DOK5: variants seen among roughly 807,000 people sequenced by gnomAD.
DOK5 encodes the protein downstream of tyrosine kinase 5.
A neutral mutation model predicts 43.3 loss-of-function variants in DOK5; 27 were observed. That is an observed-to-expected ratio of 0.62 (90% CI 0.46 to 0.86). DOK5 has a LOEUF of 0.86. Among genes scored for constraint, DOK5 ranks in the 40% least tolerant of loss-of-function variants. DOK5 has a pLI of 0.00. For synonymous variants in DOK5, 146 were observed against 140.1 expected (o/e 1.04, Z -0.30); for missense variants, 373 against 392.9 (o/e 0.95, Z 0.43).
chr20:54,485,929 G>A (rs1370847058), intron 1 of DOK5, among the ~76,000 whole-genome samples: 3 of 152,094 alleles, frequency 2.0e-5, no homozygotes, highest in African/African-American at 7.2e-5. Context: ...ATCTTTTCAT[G>A]TTCCTGTTTG....
At chr20:54,566,750 A>G (rs1478513333) in intron 2 of DOK5, among the ~76,000 whole-genome samples, 2 of 152,074 alleles carry the variant, frequency 1.3e-5, no homozygotes, top group Non-Finnish European at 2.9e-5. Flanking sequence ...CCAAGTAGCT[A>G]GGACTACAGG....
rs567957415 is a variant in DOK5 at position 54,545,292 on chromosome 20, G to T, written c.67-9641G>T. ...CCTGTGGGGCAAACTCCTATCTCCT[G>T]GTTCTCCTTGGTTAACATCTCCACC... On this transcript the variant is annotated intron_variant, in intron 1 of 7. Transcript: ENST00000262593. Among the ~76,000 whole-genome samples the T allele has an allele frequency of 1.4e-4, 21 of 152,322 alleles. No homozygotes were observed. The South Asian group carries it at 2.7e-3, about 20-fold the overall frequency.
At chr20:54,587,259 C>T (rs946612516) in intron 2 of DOK5, among the ~76,000 whole-genome samples, 3 of 152,118 alleles carry the variant, frequency 2.0e-5, no homozygotes, top group Admixed American at 2.0e-4. Context: ...AGTGGTGTGA[C>T]ATTTCATGCT....
intron 1 of DOK5, among the ~76,000 whole-genome samples, chr20:54,548,360 C>G (rs1984415718): frequency 6.6e-6 from 1 of 151,920 alleles, no homozygotes; most frequent in South Asian, 2.1e-4. Flanking sequence ...CTCCGCTTCC[C>G]AAGCAGCTGG....
intron 2 of DOK5, among the ~76,000 whole-genome samples, chr20:54,565,857 A>G (rs1052651260): frequency 1.3e-5 from 2 of 151,982 alleles, no homozygotes; most frequent in Admixed American, 1.3e-4. Flanking sequence ...TCTACTAAAA[A>G]ATACAAAAAA....
chr20:54,623,909 T>TA (rs1396184693), intron 6 of DOK5, among the ~76,000 whole-genome samples: 3 of 152,106 alleles, frequency 2.0e-5, no homozygotes, highest in African/African-American at 4.8e-5. Context: ...CACAAACCAA[T>TA]ATGAGTTGGG....
intron 2 of DOK5, among the ~76,000 whole-genome samples, chr20:54,583,870 T>C (rs1985714405): frequency 1.3e-5 from 2 of 151,982 alleles, no homozygotes; most frequent in East Asian, 3.9e-4. Context: ...CCATTTAAAG[T>C]AATTACTGCA....
chr20:54,620,466 T>C (rs987246896), intron 6 of DOK5, among the ~76,000 whole-genome samples: 1 of 152,208 alleles, frequency 6.6e-6, no homozygotes, highest in African/African-American at 2.4e-5. Context: ...CTCAAACTCC[T>C]GACCTCAAGT....
At chr20:54,649,389 T>A (rs1383239724) in intron 7 of DOK5, among the ~76,000 whole-genome samples, 15 of 152,100 alleles carry the variant, frequency 9.9e-5, no homozygotes, top group Non-Finnish European at 2.1e-4. Context: ...GCCACTGCAC[T>A]GCAGCCGGGG....
At chr20:54,485,325 C>A (rs1981888468) in intron 1 of DOK5, among the ~76,000 whole-genome samples, 1 of 149,134 alleles carries the variant, frequency 6.7e-6, no homozygotes, top group Admixed American at 6.7e-5. Context: ...TGCACTCCAG[C>A]CTGGGTGACA....
chr20:54,490,564 C>A (rs1982125647), intron 1 of DOK5, among the ~76,000 whole-genome samples: 1 of 151,994 alleles, frequency 6.6e-6, no homozygotes, highest in African/African-American at 2.4e-5. Flanking sequence ...TATCTGGTAT[C>A]TTGAGCCTCT....
intron 1 of DOK5, among the ~76,000 whole-genome samples, chr20:54,498,999 A>G (rs139408523): frequency 3.3e-5 from 5 of 152,352 alleles, no homozygotes; most frequent in African/African-American, 1.2e-4. Context: ...ACAGCACTAT[A>G]TGCTTGTACA....
chr20:54,559,521 GTCAAAAGAGCCTT>G (rs1441494183), intron 2 of DOK5, among the ~76,000 whole-genome samples: 1 of 152,182 alleles, frequency 6.6e-6, no homozygotes, highest in Non-Finnish European at 1.5e-5. Flanking sequence ...GAAAGAGTGT[GTCAAAAGAGCCTT>G]TCATGATTAA....
intron 5 of DOK5, among the ~76,000 whole-genome samples, chr20:54,603,530 C>G (rs1986364116): frequency 6.6e-6 from 1 of 152,194 alleles, no homozygotes; most frequent in Admixed American, 6.5e-5. Flanking sequence ...TGGGTTCTCC[C>G]TTGTCCTCAT....
At chr20:54,480,966 TATC>T (rs1262589010) in intron 1 of DOK5, among the ~76,000 whole-genome samples, 1 of 114,030 alleles carries the variant, frequency 8.8e-6, no homozygotes, top group African/African-American at 3.6e-5. Context: ...ATCTATCATC[TATC>T]ATCTATCTAT....
chr20:54,573,222 T>G (rs1357278638), intron 2 of DOK5, among the ~76,000 whole-genome samples: 1 of 152,032 alleles, frequency 6.6e-6, no homozygotes, highest in African/African-American at 2.4e-5. Context: ...TCACTGATGG[T>G]AGGGTGAGAG....
intron 1 of DOK5, among the ~76,000 whole-genome samples, chr20:54,540,212 T>C (rs951227697): frequency 6.6e-6 from 1 of 152,076 alleles, no homozygotes; most frequent in African/African-American, 2.4e-5. Context: ...TCTGCATAGA[T>C]AGTCTATCAC....
chr20:54,602,610 G>C (rs567401582), intron 5 of DOK5, among the ~76,000 whole-genome samples: 1 of 152,310 alleles, frequency 6.6e-6, no homozygotes, highest in Admixed American at 6.5e-5. Flanking sequence ...GTGTTACTAA[G>C]AAGTGAGCAA....
At chr20:54,606,915 G>C (rs1331322053) in intron 5 of DOK5, among the ~76,000 whole-genome samples, 1 of 152,192 alleles carries the variant, frequency 6.6e-6, no homozygotes, top group East Asian at 1.9e-4. Flanking sequence ...AGCTCTTAAT[G>C]CATTTTGTGT....
Sources: gnomAD v4.1 joint callset for allele counts (sites outside exome capture counted in the v4.1 genomes callset) on GRCh38, gnomAD v4.1.1 for gene constraint, MANE v1.5 for transcripts, NCBI Gene and HGNC (gene_info 2026-07-23, HGNC 2026-07-21) for gene names.